NTM: variants seen among roughly 807,000 people sequenced by gnomAD.
The protein encoded by NTM is IgLON family member 2.
NTM carries 13 observed loss-of-function variants against 42.1 expected under a neutral mutation model. That is an observed-to-expected ratio of 0.31 (90% CI 0.20 to 0.49). The LOEUF is 0.49. Ranked by LOEUF, NTM falls within the 20% of genes least tolerant of loss-of-function variation. NTM has a pLI of 0.99. For synonymous variants in NTM, 187 were observed against 179.2 expected (o/e 1.04, Z -0.35); for missense variants, 373 against 452.8 (o/e 0.82, Z 1.60).
rs1436091512 is a variant in NTM at position 131,508,274 on chromosome 11, A to C, written c.82+137386A>C. Reference sequence around the variant, plus strand: ...GAAGACATTTATGCAGCCAAAAAACACATGAAAAAATGCTCATCATCACTG... The same window carrying C: ...GAAGACATTTATGCAGCCAAAAAACCCATGAAAAAATGCTCATCATCACTG... On this transcript the variant is annotated intron_variant, in intron 1 of 8. Coordinates refer to ENST00000683400, the MANE Select transcript of NTM (RefSeq NM_001352005.2). Among the ~76,000 whole-genome samples the C allele has an allele frequency of 4.8e-5, 7 of 145,434 alleles. No homozygotes were observed. In the East Asian group the frequency reaches 1.4e-3, roughly 29 times the overall value.
rs1487597194 is a variant in NTM, at chr11:131,500,556, T to TATATATATATATATATATATAC, written c.82+129689_82+129690insCATATATATATATATATATATA. ...TAGTTATTTATTATATATATATATA[T>TATATATATATATATATATATAC]ATATATATATATATATATATATTTT... On this transcript the variant is annotated intron_variant, in intron 1 of 8. Coordinates refer to ENST00000683400, the MANE Select transcript of NTM (RefSeq NM_001352005.2). Among the ~76,000 whole-genome samples, 30 of 22,184 alleles carry TATATATATATATATATATATAC rather than the reference T, an allele frequency of 1.4e-3. 1 individual carries two copies. The highest frequency in any genetic ancestry group is 2.2e-3 in the Admixed American group (6 of 2,766). The allele number at this position is 22,184 out of a possible 152,430, so 14.6% of individuals were successfully genotyped here.
chr11:131,916,171 C>T (rs1287708006), intron 2 of NTM, among the ~76,000 whole-genome samples: 1 of 152,230 alleles, frequency 6.6e-6, no homozygotes, highest in Non-Finnish European at 1.5e-5. Context: ...GGCAGGACTG[C>T]ACTAGCTCCT....
intron 1 of NTM, among the ~76,000 whole-genome samples, chr11:131,908,828 T>A (rs939006729): frequency 3.3e-5 from 5 of 152,244 alleles, no homozygotes; most frequent in Admixed American, 3.3e-4. Context: ...CTTCCAAGAA[T>A]GGACTAGTGC....
chr11:131,816,124 A>G (rs1592053861), intron 1 of NTM, among the ~76,000 whole-genome samples: 1 of 152,130 alleles, frequency 6.6e-6, no homozygotes, highest in East Asian at 1.9e-4. Context: ...GCCTTTTTTG[A>G]TTATGTAACG....
At chr11:132,104,575 G>T (rs2062031751) in intron 2 of NTM, among the ~76,000 whole-genome samples, 2 of 87,326 alleles carry the variant, frequency 2.3e-5, no homozygotes, top group Non-Finnish European at 4.8e-5. Context: ...AACATAGTGG[G>T]ACCCCCCCCC....
At chr11:131,627,262 G>A (rs907566252) in intron 1 of NTM, among the ~76,000 whole-genome samples, 4 of 150,966 alleles carry the variant, frequency 2.6e-5, no homozygotes, top group Admixed American at 6.6e-5. Context: ...GGGGAAGGAC[G>A]TAAATAGGAG....
At chr11:131,896,634 G>T (rs2052303256) in intron 1 of NTM, among the ~76,000 whole-genome samples, 1 of 150,902 alleles carries the variant, frequency 6.6e-6, no homozygotes, top group South Asian at 2.1e-4. Context: ...ATTAAAACCT[G>T]GCAAGAATAT....
chr11:131,833,091 C>A (rs2043028515), intron 1 of NTM, among the ~76,000 whole-genome samples: 1 of 152,160 alleles, frequency 6.6e-6, no homozygotes, highest in African/African-American at 2.4e-5. Context: ...AAAGTGTATC[C>A]TATTGGATGT....
intron 2 of NTM, among the ~76,000 whole-genome samples, chr11:131,984,184 T>C (rs951778780): frequency 2.0e-5 from 3 of 152,188 alleles, no homozygotes; most frequent in Non-Finnish European, 4.4e-5. Context: ...TCCAATTCAA[T>C]TACTGCATTC....
chr11:131,530,790 C>A (rs538581639), intron 1 of NTM, among the ~76,000 whole-genome samples: 41 of 152,236 alleles, frequency 2.7e-4, no homozygotes, highest in African/African-American at 8.9e-4. Flanking sequence ...CTAAAGGGAG[C>A]AAATGAAAGA....
At chr11:132,334,506 C>T (rs1011148033) in intron 8 of NTM, among the ~76,000 whole-genome samples, 15 of 152,210 alleles carry the variant, frequency 9.9e-5, no homozygotes, top group Admixed American at 8.5e-4. Flanking sequence ...GTGCCCTGCC[C>T]TGAGATAGAG....
At chr11:132,333,003 G>T (rs1415839844) in intron 8 of NTM, among the ~76,000 whole-genome samples, 1 of 152,198 alleles carries the variant, frequency 6.6e-6, no homozygotes. Flanking sequence ...GGGTTTCAAA[G>T]ATGTGTGTGG....
At chr11:131,763,920 T>C (rs180853022) in intron 1 of NTM, among the ~76,000 whole-genome samples, 6 of 152,074 alleles carry the variant, frequency 3.9e-5, no homozygotes, top group Admixed American at 1.3e-4. Context: ...GTTTTATTTA[T>C]CGTTTCCATT....
chr11:131,454,251 T>C lies in NTM; in HGVS notation c.82+83363T>C, dbSNP rs1950700581. Among the ~76,000 whole-genome samples, 3 of 152,324 alleles carry C rather than the reference T, an allele frequency of 2.0e-5. No homozygotes were observed. In the South Asian group the frequency reaches 6.2e-4, roughly 32 times the overall value. On this transcript the variant is annotated intron_variant, in intron 1 of 8. Transcript: ENST00000683400. The stretch of plus-strand genomic sequence containing the variant: ...TCTCTTACTATGCCTAATTTATAAA[T>C]TAAGCTTTATCATAGGTATGTATGT...
chr11:131,801,620 C>CT (rs56937578), intron 1 of NTM, among the ~76,000 whole-genome samples: 1 of 152,056 alleles, frequency 6.6e-6, no homozygotes, highest in Non-Finnish European at 1.5e-5. Flanking sequence ...ATGTAGACCC[C>CT]TTTTTTTCTT....
intron 4 of NTM, among the ~76,000 whole-genome samples, chr11:132,232,187 C>T (rs1049140389): frequency 6.6e-6 from 1 of 152,168 alleles, no homozygotes; most frequent in Non-Finnish European, 1.5e-5. Flanking sequence ...TTCATATTGA[C>T]TATAAACTTC....
intron 1 of NTM, among the ~76,000 whole-genome samples, chr11:131,656,178 G>C (rs1158585291): frequency 6.6e-6 from 1 of 152,218 alleles, no homozygotes; most frequent in African/African-American, 2.4e-5. Flanking sequence ...AGAAGGCTTT[G>C]CATTCCAGTA....
chr11:131,830,619 C>G (rs1565605475), intron 1 of NTM, among the ~76,000 whole-genome samples: 2 of 152,174 alleles, frequency 1.3e-5, no homozygotes, highest in East Asian at 3.9e-4. Flanking sequence ...CAGCTTTGTT[C>G]TATTATTGCT....
intron 2 of NTM, among the ~76,000 whole-genome samples, chr11:132,076,117 A>T (rs571601534): frequency 1.3e-5 from 2 of 152,264 alleles, no homozygotes; most frequent in East Asian, 1.9e-4. Context: ...TCCAACTGTA[A>T]CCTGTTTTTA....
Sources: gnomAD v4.1 joint callset for allele counts (sites outside exome capture counted in the v4.1 genomes callset) on GRCh38, gnomAD v4.1.1 for gene constraint, MANE v1.5 for transcripts, NCBI Gene and HGNC (gene_info 2026-07-23, HGNC 2026-07-21) for gene names.